MROH2A: variants seen among roughly 807,000 people sequenced by gnomAD.
MROH2A encodes maestro heat-like repeat-containing protein family member 2A.
MROH2A carries 174 observed loss-of-function variants against 200.4 expected under a neutral mutation model. That is an observed-to-expected ratio of 0.87 (90% confidence interval 0.77 to 0.98). The LOEUF (loss-of-function observed/expected upper bound fraction) is 0.98, where lower values mean the gene tolerates loss of function less well. Ranked by LOEUF, MROH2A falls within the 50% of genes least tolerant of loss-of-function variation. The pLI, the probability that MROH2A is intolerant of heterozygous loss-of-function variation, is 0.00. For missense variants in MROH2A, 2,045 were observed against 2,139.6 expected (o/e 0.96, Z 0.87); for synonymous variants, 829 against 840.4 (o/e 0.99, Z 0.23).
At position 233,792,530 on chromosome 2, in the gene MROH2A, A is replaced by G. The variant is rs59728213; in HGVS notation, c.572-266A>G. Among the ~76,000 whole-genome samples, 450 of 151,976 alleles carry G rather than the reference A, an allele frequency of 3.0e-3. 4 individuals are homozygous for G. The highest frequency in any genetic ancestry group is 0.01 in the East Asian group (53 of 5,152). On this transcript the variant is annotated intron_variant, in intron 5 of 41. Coordinates refer to ENST00000389758, the MANE Select transcript of MROH2A (RefSeq NM_001394639.1). ...GGTTTCAACCGTGTTAGCCAGGATG[A>G]CCTCGATCTCCTGACCTCGTGATCC...
intron 27 of MROH2A, 63 bp downstream of exon 27, chr2:233,816,948 T>C: frequency 7.9e-6 from 8 of 1,017,940 alleles, no homozygotes; most frequent in Non-Finnish European, 1.2e-5. Context: ...AATTCCTGTG[T>C]CTATCTGGAA....
chr2:233,787,552 T>TATATATATCATATATACATATATATC (rs1701285477), intron 3 of MROH2A, among the ~76,000 whole-genome samples: 1 of 68,796 alleles, frequency 1.5e-5, no homozygotes, highest in African/African-American at 5.0e-5. Context: ...ACATATATAT[T>TATATATATCATATATACATATATATC]ATATATACAT....
At position 233,831,485 on chromosome 2, in the gene MROH2A, A is replaced by G. The variant is rs1253636154; in HGVS notation, c.4679A>G (p.Asp1560Gly). Residue 1560 changes from aspartate (D) to glycine (G), a missense_variant, in exon 39 of 42, where the codon GAT (aspartate) becomes GGT (glycine). By Grantham distance (94) the Asp-to-Gly change is moderately conservative. Around this residue, in one of 3 missense-constraint regions of MROH2A, gnomAD observed 1,201 missense variants for 1,311.3 expected, o/e 0.92. Transcript: ENST00000389758. ...KSLEHPSGPS[D>G]TATDDKMTVF... ...CTGGAGCATCCCTCAGGGCCAAGTG[A>G]TACCGCTACTGATGACAAGATGACC... The G allele has an allele frequency of 3.2e-6, 5 of 1,549,868 alleles. No homozygotes were observed. The highest frequency in any genetic ancestry group is 2.6e-6 in the Non-Finnish European group (3 of 1,146,518).
intron 31 of MROH2A, among the ~76,000 whole-genome samples, chr2:233,821,405 C>T (rs1004157110): frequency 5.3e-5 from 8 of 152,348 alleles, no homozygotes; most frequent in African/African-American, 1.7e-4. Flanking sequence ...GGCACATCTC[C>T]CTTCAGACCC....
In MROH2A at chr2:233,831,659, C is replaced by T. The variant is rs908020244; in HGVS notation, c.4734+119C>T. 2.9e-5 allele frequency: 32 copies of T among 1,113,946 alleles called. No homozygotes were observed. In the African/African-American group the frequency reaches 4.1e-4, roughly 14 times the overall value. 69.0% of individuals were successfully genotyped at this position (1,113,946 alleles called of 1,614,324 possible). A position where few individuals can be genotyped will look rare whatever the true frequency, so the allele number is the denominator to read the frequency against. The stretch of plus-strand genomic sequence containing the variant: ...CCCTATGTTTACCTTCCACACATGC[C>T]ATGTCGAGACCGGCACTGTGCAGCA... On this transcript the variant is annotated intron_variant, in intron 39 of 41. Coordinates refer to ENST00000389758, the MANE Select transcript of MROH2A (RefSeq NM_001394639.1).
At chr2:233,806,399 T>A (rs1702794063) in intron 19 of MROH2A, among the ~76,000 whole-genome samples, 1 of 152,142 alleles carries the variant, frequency 6.6e-6, no homozygotes, top group African/African-American at 2.4e-5. Flanking sequence ...TGGTGAGGAT[T>A]TAATGAAATA....
intron 10 of MROH2A, 77 bp from the exon 11 acceptor site, chr2:233,796,123 C>A: frequency 1.3e-6 from 2 of 1,510,296 alleles, no homozygotes; most frequent in East Asian, 2.5e-5. Flanking sequence ...CCCCTCTGAG[C>A]GCTGGGCCTG....
At chr2:233,791,037 G>A (rs1701728611) in intron 5 of MROH2A, among the ~76,000 whole-genome samples, 1 of 152,188 alleles carries the variant, frequency 6.6e-6, no homozygotes, top group Admixed American at 6.5e-5. Flanking sequence ...CACACGGAGA[G>A]AACATTGCAG....
At chr2:233,787,585 A>AATATATATTATATATTTATATATAT (rs766177844) in intron 3 of MROH2A, among the ~76,000 whole-genome samples, 1 of 36,246 alleles carries the variant, frequency 2.8e-5, no homozygotes, top group Non-Finnish European at 4.7e-5. Flanking sequence ...TATCATATAT[A>AATATATATTATATATTTATATATAT]CATATATATA....
At chr2:233,815,157 C>G (rs1703431105) in intron 26 of MROH2A, among the ~76,000 whole-genome samples, 1 of 152,244 alleles carries the variant, frequency 6.6e-6, no homozygotes, top group South Asian at 2.1e-4. Context: ...CCTGTCAGGT[C>G]TCTTTGTTCT....
In MROH2A at chr2:233,809,160, G is replaced by A. The variant is rs1702991884; in HGVS notation, c.2330G>A (p.Ser777Asn). Reference sequence around the variant, plus strand: ...CCCTGGAGGCGGGAGACAGTGAAAAGTGCCCTCATGGTGATGTATAGCTGC... The same window carrying A: ...CCCTGGAGGCGGGAGACAGTGAAAAATGCCCTCATGGTGATGTATAGCTGC... Reference protein sequence around the residue: ...DHPWRRETVKSALMVMYSCVA... With the variant: ...DHPWRRETVKNALMVMYSCVA... Residue 777 changes from serine to asparagine, a missense_variant, in exon 22 of 42, where the codon AGT becomes AAT. Ser to Asn is a conservative substitution (Grantham distance 46). Coordinates refer to ENST00000389758, the MANE Select transcript of MROH2A (RefSeq NM_001394639.1). The A allele has an allele frequency of 6.4e-7, 1 of 1,550,446 alleles. No individual in the cohort carries two copies. Among genetic ancestry groups the A allele is most frequent in the Non-Finnish European group, 8.7e-7 (1 of 1,146,886 alleles).
At chr2:233,777,823 A>C (rs1368075886), upstream of MROH2A, among the ~76,000 whole-genome samples, 2 of 152,236 alleles carry the variant, frequency 1.3e-5, no homozygotes, top group Non-Finnish European at 2.9e-5. Context: ...TCCTAGCTAT[A>C]AATGACAGGG....
In MROH2A at chr2:233,829,812, G is replaced by A. The variant is rs1704594627; in HGVS notation, c.4602+37G>A. 3 of 1,291,874 alleles carry A rather than the reference G, an allele frequency of 2.3e-6. No individual in the cohort carries two copies. In the East Asian group the frequency reaches 9.4e-5, roughly 41 times the overall value. The allele number at this position is 1,291,874 out of a possible 1,614,324, so 80.0% of individuals were successfully genotyped here. A position where few individuals can be genotyped will look rare whatever the true frequency, so the allele number is the denominator to read the frequency against. On this transcript the variant is annotated intron_variant, in intron 38 of 41. Coordinates refer to ENST00000389758, the MANE Select transcript of MROH2A (RefSeq NM_001394639.1). Reference sequence around the variant, plus strand: ...CCTGGGCTTTGTGTCCCAGTCTGGGGCCCGCTGTTCCCCGAGGAAACAGGT... The same window carrying A: ...CCTGGGCTTTGTGTCCCAGTCTGGGACCCGCTGTTCCCCGAGGAAACAGGT...
At chr2:233,791,909 A>C (rs1400599280) in intron 5 of MROH2A, among the ~76,000 whole-genome samples, 1 of 152,100 alleles carries the variant, frequency 6.6e-6, no homozygotes, top group East Asian at 1.9e-4. Flanking sequence ...GAGGGGGATT[A>C]TTATGAAGTC....
chr2:233,787,240 A>C (rs1381699281), intron 3 of MROH2A, among the ~76,000 whole-genome samples: 2 of 152,084 alleles, frequency 1.3e-5, no homozygotes, highest in East Asian at 3.9e-4. Context: ...CTATTTGTAC[A>C]GGGTGCAGTA....
chr2:233,796,295 G>C lies in MROH2A; in HGVS notation c.1234G>C (p.Ala412Pro). 1 of 1,304,916 alleles carries C rather than the reference G, an allele frequency of 7.7e-7. No individual in the cohort carries two copies. The highest frequency in any genetic ancestry group is 1.2e-5 in the South Asian group (1 of 80,582). 80.8% of individuals were successfully genotyped at this position (1,304,916 alleles called of 1,614,324 possible). The change falls in exon 11 of 42, where the codon GCT becomes CCT. Residue 412 changes from alanine (A) to proline (P), a missense_variant. Physicochemically the swap from Ala to Pro is conservative, Grantham distance 27 (BLOSUM62 -1). Transcript: ENST00000389758. ...CGTGGGGACTCTGAATCTGATTAGG[G>C]CTATAGTGAGCGCAGATGGTGAGCA... is the stretch of plus-strand genomic sequence containing the variant. Reference protein sequence around the residue: ...VRVGTLNLIRAIVSADEPRMS... With the variant: ...VRVGTLNLIRPIVSADEPRMS...
intron 14 of MROH2A, among the ~76,000 whole-genome samples, chr2:233,801,519 G>GCA (rs1168964896): frequency 6.6e-6 from 1 of 152,186 alleles, no homozygotes; most frequent in Non-Finnish European, 1.5e-5. Flanking sequence ...GTGGGGGCTG[G>GCA]CAAGTCTGAC....
Position 233,779,412 on chromosome 2 carries a change from G to A in MROH2A, c.54G>A (p.Glu18=). 6.5e-7 allele frequency: 1 copy of A among 1,549,990 alleles called. No homozygotes were observed. The highest frequency in any genetic ancestry group is 1.2e-5 in the South Asian group (1 of 84,042). Residue 18 remains glutamate (E), a synonymous_variant, in exon 2 of 42, where the codon GAG becomes GAA. Transcript: ENST00000389758. ...TAGCCTCAAGTGAGGAGGTGTCAGAGGAAAGAGACGACCTGGGGCCTCTTG... is the reference window on the plus strand; with the variant it reads ...TAGCCTCAAGTGAGGAGGTGTCAGAAGAAAGAGACGACCTGGGGCCTCTTG... The part of the protein sequence containing the change: ...AAVASSEEVS[E]ERDDLGPLEL...
At chr2:233,824,503 G>A (rs1446168097) in intron 35 of MROH2A, among the ~76,000 whole-genome samples, 1 of 152,216 alleles carries the variant, frequency 6.6e-6, no homozygotes, top group African/African-American at 2.4e-5. Flanking sequence ...TCTCACCCAG[G>A]ACCTGTCCTT....
Sources: allele counts gnomAD v4.1 joint callset (sites outside exome capture counted in the v4.1 genomes callset), GRCh38; gene constraint gnomAD v4.1.1; regional missense constraint gnomAD v4.1.1; transcripts MANE v1.5; gene names NCBI Gene and HGNC (gene_info 2026-07-23, HGNC 2026-07-21).